SLC39A14: variants seen among roughly 807,000 people sequenced by gnomAD.
SLC39A14 encodes the protein metal cation symporter ZIP14.
SLC39A14 carries 19 observed loss-of-function variants against 45.5 expected under a neutral mutation model. That is an observed-to-expected ratio of 0.42 (90% CI 0.29 to 0.61). SLC39A14 has a LOEUF of 0.61. SLC39A14 is among the 20% of genes least tolerant of loss of function. The pLI is 0.22. For missense variants in SLC39A14, 447 were observed against 616.5 expected, an observed-to-expected ratio of 0.73 and a Z score of 2.91; for synonymous variants, 264 against 251.3, an observed-to-expected ratio of 1.05 and a Z score of -0.48.
chr8:22,406,398 G>A (rs976130452), intron 2 of SLC39A14, among the ~76,000 whole-genome samples: 3 of 150,924 alleles, frequency 2.0e-5, no homozygotes, highest in Admixed American at 6.6e-5. Flanking sequence ...TCAAAAGTTG[G>A]GGGGGAGGAG....
At chr8:22,390,166 A>G (rs1421328132) in intron 1 of SLC39A14, 4 of 169,118 alleles carry the variant, frequency 2.4e-5, no homozygotes, top group Admixed American at 1.1e-4. Context: ...TGGTTTTGCC[A>G]TGGTAACATC....
chr8:22,405,615 G>A (rs1413035655), intron 2 of SLC39A14, among the ~76,000 whole-genome samples: 1 of 152,128 alleles, frequency 6.6e-6, no homozygotes, highest in Non-Finnish European at 1.5e-5. Context: ...GAGAAAACAC[G>A]GCTCCCAGGA....
chr8:22,408,183 A>C (rs1835339357), intron 2 of SLC39A14, 127 bp from the exon 3 acceptor site: 1 of 832,224 alleles, frequency 1.2e-6, no homozygotes. Flanking sequence ...TGAATCTACA[A>C]ATTCCCTGAA....
At chr8:22,419,428 C>T in intron 8 of SLC39A14, 124 bp from the exon 9 acceptor site, 1 of 895,176 alleles carries the variant, frequency 1.1e-6, no homozygotes, top group Non-Finnish European at 1.8e-6. Context: ...TAGTGAGCCG[C>T]TGCACCTGGC....
Position 22,416,076 on chromosome 8 carries a change from C to G in SLC39A14, c.943C>G (p.Leu315Val), listed in dbSNP as rs1403889126. The G allele has an allele frequency of 6.2e-7, 1 of 1,614,116 alleles. No homozygotes were observed. Among genetic ancestry groups the G allele is most frequent in the East Asian group, 2.2e-5 (1 of 44,860 alleles). Residue 315 changes from leucine to valine, a missense_variant, in exon 7 of 9, where the codon CTG becomes GTG. By Grantham distance (32) the Leu-to-Val change is conservative. Coordinates refer to ENST00000381237, the MANE Select transcript of SLC39A14 (RefSeq NM_001128431.4). Reference sequence around the variant, plus strand: ...CTGGGGGTGTGCTTTCTCCTAGGACCTGCAGGCTTCCCAGAGTGCTTGCTA... The same window carrying G: ...CTGGGGGTGTGCTTTCTCCTAGGACGTGCAGGCTTCCCAGAGTGCTTGCTA... ...VIVGSLSVQD[L>V]QASQSACYWL... is the part of the protein sequence containing the mutation.
At chr8:22,412,751 C>T (rs1835650695) in intron 4 of SLC39A14, among the ~76,000 whole-genome samples, 1 of 152,132 alleles carries the variant, frequency 6.6e-6, no homozygotes, top group Non-Finnish European at 1.5e-5. Flanking sequence ...CAAGACCAGC[C>T]TGGCCAACAT....
intron 3 of SLC39A14, 133 bp downstream of exon 3, chr8:22,408,629 G>T (rs1221337272): frequency 2.5e-6 from 2 of 788,776 alleles, no homozygotes; most frequent in African/African-American, 3.5e-5. Flanking sequence ...GTCGGTGTCA[G>T]GAGCGGGAGC....
chr8:22,404,925 G>C lies in SLC39A14; in HGVS notation c.215G>C (p.Gly72Ala). The C allele has an allele frequency of 6.2e-7, 1 of 1,614,196 alleles. No homozygotes were observed. The highest frequency in any genetic ancestry group is 8.5e-7 in the Non-Finnish European group (1 of 1,180,036). The part of the protein sequence containing the change: ...LKALLNHLDV[G>A]VGRGNVTQHV... ...GCCCTACTCAACCACCTGGATGTGGGAGTGGGCCGGGGTAATGTCACCCAG... is the reference window on the plus strand; with the variant it reads ...GCCCTACTCAACCACCTGGATGTGGCAGTGGGCCGGGGTAATGTCACCCAG... Residue 72 changes from glycine to alanine, a missense_variant, in exon 2 of 9, where the codon GGA (glycine) becomes GCA (alanine). Around this residue, in one of 2 missense-constraint regions of SLC39A14, gnomAD observed 342 missense variants for 428.1 expected, o/e 0.80. Transcript: ENST00000381237.
Position 22,417,605 on chromosome 8 carries a change from T to G in SLC39A14, c.1148-46T>G. The G allele has an allele frequency of 1.9e-6, 3 of 1,541,402 alleles. 1 individual carries two copies. Reference sequence around the variant, plus strand: ...AGGTGTGCATTCACCATGCCCATCTTACTCTTCCTTCCTCGTCCCTCCCCT... The same window carrying G: ...AGGTGTGCATTCACCATGCCCATCTGACTCTTCCTTCCTCGTCCCTCCCCT... On this transcript the variant is annotated intron_variant, in intron 7 of 8. Transcript: ENST00000381237.
chr8:22,420,229 A>G lies in SLC39A14; in HGVS notation c.*531A>G. 2 of 985,782 alleles carry G rather than the reference A, an allele frequency of 2.0e-6. No homozygotes were observed. Among genetic ancestry groups the G allele is most frequent in the South Asian group, 9.4e-5 (2 of 21,304 alleles). 61.1% of individuals were successfully genotyped at this position (985,782 alleles called of 1,614,324 possible). A position where few individuals can be genotyped will look rare whatever the true frequency, so the allele number is the denominator to read the frequency against. ...TTTAATTGCCTATTACTTCTCTCAA[A>G]GAGAACCTGAAGTCAGAACACATGA... is the stretch of plus-strand genomic sequence containing the variant. On this transcript the variant is annotated 3_prime_UTR_variant, in exon 9 of 9. Transcript: ENST00000381237.
chr8:22,427,582 C>A (rs776804511), downstream of SLC39A14, among the ~76,000 whole-genome samples: 3 of 151,708 alleles, frequency 2.0e-5, no homozygotes, highest in Non-Finnish European at 4.4e-5. Context: ...GGCATCTTCT[C>A]TATAACTTCT....
intron 3 of SLC39A14, among the ~76,000 whole-genome samples, chr8:22,411,336 G>A (rs930662722): frequency 6.6e-6 from 1 of 152,130 alleles, no homozygotes; most frequent in African/African-American, 2.4e-5. Flanking sequence ...GGGTGTTCCT[G>A]GAACTCTGTT....
At position 22,412,087 on chromosome 8, in the gene SLC39A14, C is replaced by G. The variant is rs376221087; in HGVS notation, c.508C>G (p.Leu170Val). ...GACCGTCATCTCCCTCTGCTCCCTCCTGGGGGCCAGCGTGGTGCCCTTCAT... is the reference window on the plus strand; with the variant it reads ...GACCGTCATCTCCCTCTGCTCCCTCGTGGGGGCCAGCGTGGTGCCCTTCAT... ...CVTVISLCSL[L>V]GASVVPFMKK... Residue 170 changes from leucine (L) to valine (V), a missense_variant, in exon 4 of 9, where the codon CTG becomes GTG. Physicochemically the swap from Leu to Val is conservative, Grantham distance 32. This residue lies in a region of SLC39A14 where 342 missense variants were observed against 428.1 expected (regional missense o/e 0.80). Coordinates refer to ENST00000381237, the MANE Select transcript of SLC39A14 (RefSeq NM_001128431.4). 208 of 1,551,528 alleles carry G rather than the reference C, an allele frequency of 1.3e-4. No homozygotes were observed. Among genetic ancestry groups the G allele is most frequent in the Non-Finnish European group, 1.8e-4 (207 of 1,146,960 alleles).
In SLC39A14 at chr8:22,421,224, C is replaced by G. The variant is rs1836210346; in HGVS notation, c.*1526C>G. Reference sequence around the variant, plus strand: ...TGCATGGCTGACAGGAGTACTGGTTCACTACCAATGCCTGAGCTTTTCTCT... The same window carrying G: ...TGCATGGCTGACAGGAGTACTGGTTGACTACCAATGCCTGAGCTTTTCTCT... On this transcript the variant is annotated 3_prime_UTR_variant, in exon 9 of 9. Transcript: ENST00000381237. 1 of 985,806 alleles carries G rather than the reference C, an allele frequency of 1.0e-6. No homozygotes were observed. Among genetic ancestry groups the G allele is most frequent in the Non-Finnish European group, 1.2e-6 (1 of 829,920 alleles). 61.1% of individuals were successfully genotyped at this position (985,806 alleles called of 1,614,324 possible).
chr8:22,371,414 CTTTTTTTTTTTTTTT>C (rs373230777), intron 1 of SLC39A14, among the ~76,000 whole-genome samples: 9 of 120,046 alleles, frequency 7.5e-5, no homozygotes, highest in Non-Finnish European at 1.4e-4. Flanking sequence ...AAATACATGT[CTTTTTTTTTTTTTTT>C]TTTTTTTTTT....
chr8:22,370,568 G>A (rs796639282), intron 1 of SLC39A14, among the ~76,000 whole-genome samples: 11 of 152,264 alleles, frequency 7.2e-5, no homozygotes, highest in African/African-American at 2.6e-4. Context: ...TGGTATTCCC[G>A]AGTCACATGG....
chr8:22,368,998 A>G (rs143705994), intron 1 of SLC39A14, among the ~76,000 whole-genome samples: 290 of 152,234 alleles, frequency 1.9e-3, no homozygotes, highest in African/African-American at 6.5e-3. Context: ...AAAGCAAGAG[A>G]AGGGATGTCC....
chr8:22,400,812 T>C (rs1834811673), intron 1 of SLC39A14, among the ~76,000 whole-genome samples: 1 of 152,238 alleles, frequency 6.6e-6, no homozygotes, highest in African/African-American at 2.4e-5. Context: ...TAAGATACTT[T>C]AGTTGGCCAC....
chr8:22,410,453 C>T (rs565815654), intron 3 of SLC39A14, among the ~76,000 whole-genome samples: 4 of 151,882 alleles, frequency 2.6e-5, no homozygotes, highest in Non-Finnish European at 5.9e-5. Flanking sequence ...GTGCTAAGTA[C>T]TTGCTCTATT....
Sources: gnomAD v4.1 joint callset for allele counts (sites outside exome capture counted in the v4.1 genomes callset) on GRCh38, gnomAD v4.1.1 for gene constraint, gnomAD v4.1.1 regional missense constraint, MANE v1.5 for transcripts, NCBI Gene and HGNC (gene_info 2026-07-23, HGNC 2026-07-21) for gene names.